GRIP1: variants seen among roughly 807,000 people sequenced by gnomAD.
The protein encoded by GRIP1 is glutamate receptor interacting protein 1.
A neutral mutation model predicts 129.9 loss-of-function variants in GRIP1; 45 were observed. That is an observed-to-expected ratio of 0.35 (90% confidence interval 0.27 to 0.44). The LOEUF (loss-of-function observed/expected upper bound fraction) is 0.44, where lower values mean the gene tolerates loss of function less well. Ranked by LOEUF, GRIP1 falls within the 20% of genes least tolerant of loss-of-function variation. The pLI is 1.00. For synonymous variants in GRIP1, 530 were observed against 520.8 expected (o/e 1.02, Z -0.24); for missense variants, 1,196 against 1,396.8 (o/e 0.86, Z 2.29).
At chr12:66,573,898 A>T (rs1220456179) in intron 2 of GRIP1, among the ~76,000 whole-genome samples, 1 of 152,098 alleles carries the variant, frequency 6.6e-6, no homozygotes, top group Non-Finnish European at 1.5e-5. Context: ...TGAGAGGGGG[A>T]TCATGCTGGT....
At chr12:66,891,225 A>G (rs934214468) in intron 1 of GRIP1, among the ~76,000 whole-genome samples, 9 of 152,184 alleles carry the variant, frequency 5.9e-5, no homozygotes, top group African/African-American at 2.2e-4. Context: ...TTTGGAGATA[A>G]TGTCAAGAAT....
chr12:66,427,373 G>T (rs894510255), intron 14 of GRIP1, among the ~76,000 whole-genome samples: 3 of 151,928 alleles, frequency 2.0e-5, no homozygotes, highest in Admixed American at 6.6e-5. Context: ...AACAGAGCAG[G>T]GACCCCTCTT....
chr12:66,532,306 G>C (rs2061484581), intron 4 of GRIP1, among the ~76,000 whole-genome samples: 1 of 152,108 alleles, frequency 6.6e-6, no homozygotes, highest in African/African-American at 2.4e-5. Flanking sequence ...ACATATGTAT[G>C]TATACACAAA....
rs1229062799 is a variant in GRIP1, at chr12:66,347,768, A to ATAT, written c.*1248_*1250dup. The ATAT allele has an allele frequency of 2.0e-5, 3 of 146,734 alleles. No individual in the cohort carries two copies. Among genetic ancestry groups the ATAT allele is most frequent in the East Asian group, 2.0e-4 (1 of 5,060 alleles). The allele number at this position is 146,734 out of a possible 1,614,324, so 9.1% of individuals were successfully genotyped here. On this transcript the variant is annotated 3_prime_UTR_variant, in exon 25 of 25. Coordinates refer to ENST00000359742, the MANE Select transcript of GRIP1 (RefSeq NM_001366722.1). ...CAAAAAGAAAGGTGATTTTTTTTTT[A>ATAT]TATTTCCTTAAACAAAGGACACAGT...
chr12:66,661,118 T>G (rs532327825), intron 1 of GRIP1, among the ~76,000 whole-genome samples: 1 of 152,054 alleles, frequency 6.6e-6, no homozygotes, highest in African/African-American at 2.4e-5. Context: ...CCAGTTGTGA[T>G]GCACCTAGAA....
chr12:66,707,668 C>T (rs2035581429), intron 1 of GRIP1, among the ~76,000 whole-genome samples: 2 of 151,962 alleles, frequency 1.3e-5, no homozygotes, highest in South Asian at 4.1e-4. Context: ...CCTCCCTCCA[C>T]ATCCTTCCTG....
intron 1 of GRIP1, among the ~76,000 whole-genome samples, chr12:66,746,450 C>T (rs1328430068): frequency 6.6e-6 from 1 of 152,126 alleles, no homozygotes; most frequent in Admixed American, 6.6e-5. Context: ...TCATTAAGAG[C>T]CCTATATGAA....
chr12:66,741,760 A>T (rs2036795416), intron 1 of GRIP1, among the ~76,000 whole-genome samples: 1 of 152,168 alleles, frequency 6.6e-6, no homozygotes, highest in Non-Finnish European at 1.5e-5. Context: ...TACATTTCAA[A>T]TGCTCTATAG....
At chr12:66,555,778 A>G (rs1320237703) in intron 2 of GRIP1, among the ~76,000 whole-genome samples, 3 of 152,112 alleles carry the variant, frequency 2.0e-5, no homozygotes, top group Non-Finnish European at 4.4e-5. Flanking sequence ...CAATTGACGT[A>G]CTAAAGAATG....
rs1169331519 is a variant in GRIP1, at chr12:66,451,383, GTTTTTTTTTTTTTTTT to G, written c.1354+4010_1354+4025del. Among the ~76,000 whole-genome samples the G allele has an allele frequency of 5.7e-3, 242 of 42,630 alleles. 2 individuals are homozygous for G. The highest frequency in any genetic ancestry group is 0.022 in the African/African-American group (203 of 9,064). The allele number at this position is 42,630 out of a possible 152,430, so 28.0% of individuals were successfully genotyped here. On this transcript the variant is annotated intron_variant, in intron 11 of 24. Transcript: ENST00000359742. ...CCCCAAAGATTTATTATTATAATCT[GTTTTTTTTTTTTTTTT>G]TTTTTTTTTTTTTTTTTTTTTTCAG...
chr12:66,763,735 G>C (rs114363509), intron 1 of GRIP1, among the ~76,000 whole-genome samples: 1,988 of 152,220 alleles, frequency 0.013, 52 homozygotes, highest in African/African-American at 0.046. Flanking sequence ...GTACACAAAT[G>C]AATCTTCTCA....
chr12:66,515,599 C>T lies in GRIP1; in HGVS notation c.724+20G>A. 1 of 1,608,168 alleles carries T rather than the reference C, an allele frequency of 6.2e-7. No homozygotes were observed. Among genetic ancestry groups the T allele is most frequent in the Non-Finnish European group, 8.5e-7 (1 of 1,174,788 alleles). ...GACGTTCTGGTGCTTAGAGATCACA[C>T]CCTCAGGACCCCAACATACCCATTA... On this transcript the variant is annotated intron_variant, in intron 7 of 24. Coordinates refer to ENST00000359742, the MANE Select transcript of GRIP1 (RefSeq NM_001366722.1).
At chr12:66,649,390 C>G (rs529985499) in intron 1 of GRIP1, among the ~76,000 whole-genome samples, 19 of 152,300 alleles carry the variant, frequency 1.2e-4, no homozygotes, top group African/African-American at 4.1e-4. Flanking sequence ...CTGAGTCCCT[C>G]AAGTCTGGGC....
At chr12:66,813,356 C>A (rs576180709) in intron 1 of GRIP1, among the ~76,000 whole-genome samples, 1 of 152,132 alleles carries the variant, frequency 6.6e-6, no homozygotes, top group Non-Finnish European at 1.5e-5. Flanking sequence ...AGATCTGCAC[C>A]GATGATCCAA....
At chr12:66,772,670 G>T (rs553296113) in intron 1 of GRIP1, among the ~76,000 whole-genome samples, 1 of 152,326 alleles carries the variant, frequency 6.6e-6, no homozygotes, top group East Asian at 1.9e-4. Flanking sequence ...ATTGGTGTGT[G>T]TTACCCCCAA....
chr12:66,899,232 T>G (rs1214821314), intron 1 of GRIP1, among the ~76,000 whole-genome samples: 1 of 152,112 alleles, frequency 6.6e-6, no homozygotes, highest in East Asian at 1.9e-4. Flanking sequence ...AGTACCCAGG[T>G]CCAATAAAGG....
chr12:66,560,004 A>G (rs1245216653), intron 2 of GRIP1, among the ~76,000 whole-genome samples: 1 of 152,134 alleles, frequency 6.6e-6, no homozygotes, highest in Non-Finnish European at 1.5e-5. Flanking sequence ...GAGAACCCAG[A>G]AACAAATCCA....
At chr12:66,958,417 C>T (rs1374508037) in intron 1 of GRIP1, among the ~76,000 whole-genome samples, 1 of 152,156 alleles carries the variant, frequency 6.6e-6, no homozygotes, top group African/African-American at 2.4e-5. Flanking sequence ...GAAGCGTGGG[C>T]CACCATACCC....
At position 66,465,396 on chromosome 12, in the gene GRIP1, G is replaced by A. The variant is rs1369440729; in HGVS notation, c.751C>T (p.Leu251=). ...GGAGTTTTGGCAACTTCGACTAGTA[G>A]TGGCCCGGATGCTGTTGCCACAGAG... ...MDSVATASGP[L]LVEVAKTPGA... is the part of the protein sequence containing the mutation. Residue 251 remains leucine (L), a synonymous_variant, in exon 8 of 25, where the codon CTA becomes TTA. Coordinates refer to ENST00000359742, the MANE Select transcript of GRIP1 (RefSeq NM_001366722.1). 1.9e-6 allele frequency: 3 copies of A among 1,613,892 alleles called. No individual in the cohort carries two copies. In the Admixed American group the frequency reaches 5.0e-5, roughly 27 times the overall value.
Sources: allele counts gnomAD v4.1 joint callset (sites outside exome capture counted in the v4.1 genomes callset), GRCh38; gene constraint gnomAD v4.1.1; transcripts MANE v1.5; gene names NCBI Gene and HGNC (gene_info 2026-07-23, HGNC 2026-07-21).